The following SUCLG2 variants were observed in gnomAD, a reference collection of about 807,000 sequenced individuals.
The protein encoded by SUCLG2 is succinate-CoA ligase GDP-forming subunit beta.
SUCLG2 carries 42 observed loss-of-function variants against 47.9 expected under a neutral mutation model. That is an observed-to-expected ratio of 0.88 (90% CI 0.69 to 1.14). The LOEUF (loss-of-function observed/expected upper bound fraction) is 1.14, where lower values mean the gene tolerates loss of function less well. Ranked by LOEUF, SUCLG2 falls within the 50% of genes most tolerant of loss-of-function variation. The probability of loss-of-function intolerance (pLI) is 0.00; values close to 1 mark genes in which losing one functional copy is unlikely to be tolerated. For synonymous variants in SUCLG2, 195 were observed against 197.3 expected, an observed-to-expected ratio of 0.99 and a Z score of 0.10; for missense variants, 571 against 525.9, an observed-to-expected ratio of 1.09 and a Z score of -0.84.
intron 10 of SUCLG2, among the ~76,000 whole-genome samples, chr3:67,380,566 A>G (rs998351292): frequency 2.0e-5 from 3 of 152,224 alleles, no homozygotes; most frequent in African/African-American, 7.2e-5. Context: ...CATGCTCAGA[A>G]CTAAGCAGTT....
chr3:67,647,107 A>G (rs1465527096), intron 1 of SUCLG2, among the ~76,000 whole-genome samples: 1 of 152,144 alleles, frequency 6.6e-6, no homozygotes, highest in Non-Finnish European at 1.5e-5. Flanking sequence ...GACAGCCCAC[A>G]AATGGAAATA....
intron 2 of SUCLG2, among the ~76,000 whole-genome samples, chr3:67,533,408 G>C (rs1706453141): frequency 1.3e-5 from 2 of 152,142 alleles, no homozygotes; most frequent in Admixed American, 6.5e-5. Context: ...TCACTGACTG[G>C]AGCAAAATTG....
At chr3:67,652,536 A>G (rs1040828712) in intron 1 of SUCLG2, among the ~76,000 whole-genome samples, 19 of 152,230 alleles carry the variant, frequency 1.2e-4, no homozygotes, top group Admixed American at 9.8e-4. Context: ...AAGAATTTGA[A>G]AATAGCAATA....
rs151294755 is a variant in SUCLG2, at chr3:67,648,540, G to C, written c.84+5963C>G. 4.0e-3 allele frequency among the ~76,000 whole-genome samples: 611 copies of C among 152,274 alleles called. 4 individuals carry two copies. Among genetic ancestry groups the C allele is most frequent in the African/African-American group, 0.013 (561 of 41,562 alleles). On this transcript the variant is annotated intron_variant, in intron 1 of 10. Transcript: ENST00000307227. ...ATGAGGCGGGTGACTCCCTGGCACT[G>C]TGATTTTAAGCAAATGACTATAGGG...
intron 1 of SUCLG2, among the ~76,000 whole-genome samples, chr3:67,620,770 C>A (rs1461807952): frequency 6.6e-6 from 1 of 152,020 alleles, no homozygotes; most frequent in Admixed American, 6.6e-5. Flanking sequence ...GAGAGGCCAG[C>A]ATGTTCCAAG....
intron 2 of SUCLG2, among the ~76,000 whole-genome samples, chr3:67,590,035 T>C (rs980236848): frequency 6.6e-6 from 1 of 152,184 alleles, no homozygotes; most frequent in Non-Finnish European, 1.5e-5. Context: ...ATATGGTGTA[T>C]GGGCCTCTAT....
At chr3:67,509,037 A>G (rs1332922912) in intron 6 of SUCLG2, 134 bp from the exon 7 acceptor site, 2 of 628,946 alleles carry the variant, frequency 3.2e-6, no homozygotes, top group Non-Finnish European at 5.4e-6. Context: ...AAAAACAGAA[A>G]AGCATAATTA....
At chr3:67,600,981 T>C (rs911514958) in intron 2 of SUCLG2, among the ~76,000 whole-genome samples, 14 of 152,036 alleles carry the variant, frequency 9.2e-5, no homozygotes, top group Admixed American at 5.2e-4. Flanking sequence ...CTACCTAATA[T>C]GCCAATACAG....
intron 9 of SUCLG2, among the ~76,000 whole-genome samples, chr3:67,450,188 C>T (rs369296061): frequency 9.2e-5 from 14 of 152,058 alleles, no homozygotes; most frequent in African/African-American, 2.4e-4. Context: ...ACAACAGACA[C>T]GTGCCACCAC....
At chr3:67,396,104 T>A (rs1211794183) in intron 10 of SUCLG2, among the ~76,000 whole-genome samples, 1 of 151,642 alleles carries the variant, frequency 6.6e-6, no homozygotes, top group Non-Finnish European at 1.5e-5. Context: ...ACATCACAAT[T>A]AAAAGAACTA....
At chr3:67,367,852 A>T (rs1427629611) in intron 10 of SUCLG2, among the ~76,000 whole-genome samples, 1 of 152,156 alleles carries the variant, frequency 6.6e-6, no homozygotes, top group Non-Finnish European at 1.5e-5. Context: ...ATCTATACAG[A>T]TATGTATCCA....
At chr3:67,484,137 C>A (rs1704989241) in intron 9 of SUCLG2, among the ~76,000 whole-genome samples, 2 of 152,222 alleles carry the variant, frequency 1.3e-5, no homozygotes, top group South Asian at 4.1e-4. Context: ...CCTGTACAAC[C>A]AACCATTTCC....
At chr3:67,578,494 G>A (rs1057373504) in intron 2 of SUCLG2, among the ~76,000 whole-genome samples, 2 of 152,076 alleles carry the variant, frequency 1.3e-5, no homozygotes, top group African/African-American at 4.8e-5. Flanking sequence ...TGAAAAATGT[G>A]TATGCCAAAT....
intron 9 of SUCLG2, among the ~76,000 whole-genome samples, chr3:67,406,823 A>G (rs931816444): frequency 4.6e-5 from 7 of 152,338 alleles, no homozygotes; most frequent in East Asian, 3.9e-4. Context: ...TTGAGCATCT[A>G]CAATGAATTT....
intron 9 of SUCLG2, among the ~76,000 whole-genome samples, chr3:67,458,193 G>T (rs564386852): frequency 3.3e-5 from 5 of 152,234 alleles, no homozygotes; most frequent in African/African-American, 1.2e-4. Context: ...TGGAAGAATG[G>T]CCTACCTAAC....
At chr3:67,511,071 T>C (rs1203103927) in intron 6 of SUCLG2, among the ~76,000 whole-genome samples, 1 of 151,960 alleles carries the variant, frequency 6.6e-6, no homozygotes, top group Non-Finnish European at 1.5e-5. Flanking sequence ...TATATTTTAG[T>C]AGAGACGGGT....
At chr3:67,435,368 T>A (rs186656247) in intron 9 of SUCLG2, among the ~76,000 whole-genome samples, 1 of 152,198 alleles carries the variant, frequency 6.6e-6, no homozygotes, top group African/African-American at 2.4e-5. Flanking sequence ...GCAGAAAATA[T>A]GTATTATTAA....
intron 2 of SUCLG2, among the ~76,000 whole-genome samples, chr3:67,561,077 A>T (rs1378093121): frequency 6.7e-6 from 1 of 149,272 alleles, no homozygotes; most frequent in Non-Finnish European, 1.5e-5. Flanking sequence ...AACACAAAAA[A>T]ATCCTCTTTG....
At chr3:67,422,419 G>A (rs1248376251) in intron 9 of SUCLG2, among the ~76,000 whole-genome samples, 1 of 128,620 alleles carries the variant, frequency 7.8e-6, no homozygotes, top group Non-Finnish European at 1.6e-5. Context: ...AGGTTGCAGT[G>A]AGCCAAGATC....
Sources: allele counts gnomAD v4.1 joint callset (sites outside exome capture counted in the v4.1 genomes callset), GRCh38; gene constraint gnomAD v4.1.1; transcripts MANE v1.5; gene names NCBI Gene and HGNC (gene_info 2026-07-23, HGNC 2026-07-21).